TGFB2: variants seen among roughly 807,000 people sequenced by gnomAD.
The protein encoded by TGFB2 is transforming growth factor beta-2 proprotein.
A neutral mutation model predicts 42.7 loss-of-function variants in TGFB2; 13 were observed. That is an observed-to-expected ratio of 0.30 (90% CI 0.20 to 0.48). TGFB2 has a LOEUF of 0.48. TGFB2 is among the 20% of genes least tolerant of loss of function. TGFB2 has a pLI of 0.99. For synonymous variants in TGFB2, 193 were observed against 193.6 expected (o/e 1.00, Z 0.03); for missense variants, 390 against 517.5 (o/e 0.75, Z 2.39).
At chr1:218,399,279 C>A (rs1456940151) in intron 1 of TGFB2, among the ~76,000 whole-genome samples, 1 of 152,144 alleles carries the variant, frequency 6.6e-6, no homozygotes, top group Non-Finnish European at 1.5e-5. Flanking sequence ...ATGATCACAA[C>A]TGTAGTACGT....
chr1:218,367,959 C>T (rs572052318), intron 1 of TGFB2, among the ~76,000 whole-genome samples: 1 of 152,186 alleles, frequency 6.6e-6, no homozygotes, highest in East Asian at 1.9e-4. Context: ...CACGCCGCCA[C>T]TCCCAGCTAA....
intron 2 of TGFB2, among the ~76,000 whole-genome samples, chr1:218,425,535 T>C (rs182598463): frequency 6.6e-6 from 1 of 152,176 alleles, no homozygotes; most frequent in Admixed American, 6.5e-5. Context: ...AGAATGCAGA[T>C]AATAAGGGCC....
At chr1:218,438,608 T>TGG (rs1660048345) in intron 6 of TGFB2, among the ~76,000 whole-genome samples, 1 of 152,024 alleles carries the variant, frequency 6.6e-6, no homozygotes, top group Non-Finnish European at 1.5e-5. Flanking sequence ...ACAAAGTAAA[T>TGG]GAGAATCTGA....
chr1:218,357,500 A>G (rs1657077042), intron 1 of TGFB2, among the ~76,000 whole-genome samples: 1 of 152,204 alleles, frequency 6.6e-6, no homozygotes, highest in African/African-American at 2.4e-5. Context: ...TAGGAGGGAA[A>G]GCCTCATCGT....
intron 1 of TGFB2, among the ~76,000 whole-genome samples, chr1:218,383,937 G>T (rs77307356): frequency 0.019 from 2,837 of 152,340 alleles, 54 homozygotes; most frequent in East Asian, 0.094. Flanking sequence ...ACACAAGAAT[G>T]CTTTTCCTCC....
Position 218,346,414 on chromosome 1 carries a change from A to T in TGFB2, c.-288A>T, listed in dbSNP as rs116531760. 2.9e-3 allele frequency: 968 copies of T among 337,200 alleles called. 8 individuals carry two copies. The highest frequency in any genetic ancestry group is 0.017 in the African/African-American group (805 of 46,020). 20.9% of individuals were successfully genotyped at this position (337,200 alleles called of 1,614,324 possible). Reference sequence around the variant, plus strand: ...ACTCGTCTCTTTTTTTCCCCATCTCATTGCTCCAAGAATTTTTTTCTTCTT... The same window carrying T: ...ACTCGTCTCTTTTTTTCCCCATCTCTTTGCTCCAAGAATTTTTTTCTTCTT... On this transcript the variant is annotated 5_prime_UTR_variant, in exon 1 of 7. Transcript: ENST00000366930. This position sits in a 1 kb window ranked among gnomAD's most constrained non-coding sequence, Gnocchi z 4.9.
chr1:218,428,850 T>C (rs1443224858), intron 2 of TGFB2, among the ~76,000 whole-genome samples: 7 of 152,164 alleles, frequency 4.6e-5, no homozygotes, highest in Non-Finnish European at 1.0e-4. Flanking sequence ...AACTTTAAAG[T>C]AGTTTTTTCC....
At chr1:218,401,802 C>T (rs1323859468) in intron 1 of TGFB2, among the ~76,000 whole-genome samples, 6 of 152,354 alleles carry the variant, frequency 3.9e-5, no homozygotes, top group East Asian at 3.9e-4. Flanking sequence ...ACCCCGGGCT[C>T]CCTCAGTGGA....
chr1:218,351,857 A>C (rs894855532), intron 1 of TGFB2, among the ~76,000 whole-genome samples: 1 of 152,230 alleles, frequency 6.6e-6, no homozygotes, highest in Non-Finnish European at 1.5e-5. Context: ...AGAATGACAG[A>C]TCGTTTTTCC....
intron 2 of TGFB2, among the ~76,000 whole-genome samples, chr1:218,413,324 G>A (rs1659161725): frequency 6.6e-6 from 1 of 151,276 alleles, no homozygotes; most frequent in Non-Finnish European, 1.5e-5. Flanking sequence ...AGTGAGCCGA[G>A]ATCACACAAT....
intron 1 of TGFB2, among the ~76,000 whole-genome samples, chr1:218,360,834 G>T (rs1181315125): frequency 2.0e-5 from 3 of 152,130 alleles, no homozygotes; most frequent in African/African-American, 7.2e-5. Flanking sequence ...CTGCTTCAAT[G>T]ATGTAGATGA....
intron 1 of TGFB2, among the ~76,000 whole-genome samples, chr1:218,349,386 G>A (rs567458281): frequency 6.6e-6 from 1 of 152,318 alleles, no homozygotes; most frequent in African/African-American, 2.4e-5. Flanking sequence ...AAAGCAAATT[G>A]AAAGTACAGC....
At chr1:218,425,981 A>G (rs1266605412) in intron 2 of TGFB2, among the ~76,000 whole-genome samples, 1 of 152,258 alleles carries the variant, frequency 6.6e-6, no homozygotes, top group Non-Finnish European at 1.5e-5. Context: ...AAACATTTAA[A>G]ACATTTAAAT....
chr1:218,355,353 A>G (rs1440565464), intron 1 of TGFB2, among the ~76,000 whole-genome samples: 1 of 152,266 alleles, frequency 6.6e-6, no homozygotes, highest in African/African-American at 2.4e-5. Context: ...GACCCATTAA[A>G]TAAAGAAAGG....
At chr1:218,370,165 C>T (rs578141444) in intron 1 of TGFB2, among the ~76,000 whole-genome samples, 23 of 152,166 alleles carry the variant, frequency 1.5e-4, no homozygotes, top group Non-Finnish European at 3.1e-4. Context: ...AGGAAAGCAT[C>T]TGAGAGGCCA....
rs2102634488 is a variant in TGFB2 at position 218,441,338 on chromosome 1, T to G, written c.1221T>G (p.Ile407Met). Residue 407 changes from isoleucine to methionine, a missense_variant, in exon 7 of 7, where the codon ATT (isoleucine) becomes ATG (methionine). Ile to Met is a conservative substitution (Grantham distance 10, BLOSUM62 1). Coordinates refer to ENST00000366930, the MANE Select transcript of TGFB2 (RefSeq NM_003238.6). ...AGATTGAACAGCTTTCTAATATGAT[T>G]GTAAAGTCTTGCAAATGCAGCTAAA... ...TPKIEQLSNMIVKSCKCS is the reference protein window; with the variant it reads ...TPKIEQLSNMMVKSCKCS 2.5e-6 allele frequency: 4 copies of G among 1,607,222 alleles called. No homozygotes were observed. The highest frequency in any genetic ancestry group is 3.4e-6 in the Non-Finnish European group (4 of 1,178,476).
chr1:218,430,475 A>G (rs982851554), intron 2 of TGFB2, among the ~76,000 whole-genome samples: 3 of 152,134 alleles, frequency 2.0e-5, no homozygotes, highest in African/African-American at 7.2e-5. Context: ...CATATCCACA[A>G]CTACTAACAT....
chr1:218,405,346 G>A lies in TGFB2; in HGVS notation c.510+14G>A, dbSNP rs765801379. 2 of 1,320,658 alleles carry A rather than the reference G, an allele frequency of 1.5e-6. No individual in the cohort carries two copies. The highest frequency in any genetic ancestry group is 2.9e-5 in the South Asian group (2 of 68,224). 81.8% of individuals were successfully genotyped at this position (1,320,658 alleles called of 1,614,324 possible). A position where few individuals can be genotyped will look rare whatever the true frequency, so the allele number is the denominator to read the frequency against. On this transcript the variant is annotated intron_variant, in intron 2 of 6. Coordinates refer to ENST00000366930, the MANE Select transcript of TGFB2 (RefSeq NM_003238.6). ...GAGCTATATCAGGTAATGTTCATTT[G>A]TTGTTGTTGTTGTTGTTGTTGTTGT...
intron 1 of TGFB2, among the ~76,000 whole-genome samples, chr1:218,368,740 C>T (rs1417993936): frequency 2.0e-5 from 3 of 151,970 alleles, no homozygotes; most frequent in East Asian, 1.9e-4. Context: ...TCTGGGACTA[C>T]CTGGGGAAGG....
Sources: gnomAD v4.1 joint callset for allele counts (sites outside exome capture counted in the v4.1 genomes callset) on GRCh38, gnomAD v4.1.1 for gene constraint, Gnocchi (gnomAD v3.1) non-coding constraint, MANE v1.5 for transcripts, NCBI Gene and HGNC (gene_info 2026-07-23, HGNC 2026-07-21) for gene names.